The following SIRPD variants were observed in gnomAD, a reference collection of about 807,000 sequenced individuals.
The protein encoded by SIRPD is signal-regulatory protein delta.
Under a neutral mutation model 18.0 loss-of-function variants are expected in SIRPD, and 21 were observed. The ratio of observed to expected loss-of-function variants is 1.17; its 90% confidence interval spans 0.83 to 1.68. SIRPD has a LOEUF of 1.68. Ranked by LOEUF, SIRPD falls within the 40% of genes most tolerant of loss-of-function variation. The probability of loss-of-function intolerance (pLI) is 0.00; values close to 1 mark genes in which losing one functional copy is unlikely to be tolerated. For missense variants in SIRPD, 295 were observed against 238.4 expected (o/e 1.24, Z -1.56); for synonymous variants, 106 against 92.9 (o/e 1.14, Z -0.81).
chr20:1,550,664 T>C (rs1463823293), intron 2 of SIRPD, among the ~76,000 whole-genome samples: 2 of 152,280 alleles, frequency 1.3e-5, no homozygotes, highest in East Asian at 1.9e-4. Flanking sequence ...CATTTGATCT[T>C]CTTTCTTGTA....
intron 2 of SIRPD, among the ~76,000 whole-genome samples, chr20:1,538,114 G>A (rs1322726935): frequency 6.6e-6 from 1 of 152,152 alleles, no homozygotes; most frequent in Non-Finnish European, 1.5e-5. Context: ...CTAGCCATGA[G>A]CTCATCACTT....
chr20:1,539,128 A>G (rs540723839), intron 2 of SIRPD, among the ~76,000 whole-genome samples: 2 of 152,354 alleles, frequency 1.3e-5, no homozygotes, highest in South Asian at 4.1e-4. Context: ...ATTTAAGGCT[A>G]TAAATTCCAA....
intron 2 of SIRPD, among the ~76,000 whole-genome samples, chr20:1,551,304 G>GTA (rs2091017825): frequency 6.6e-6 from 1 of 152,154 alleles, no homozygotes; most frequent in Admixed American, 6.5e-5. Flanking sequence ...CCAACAAAGG[G>GTA]AAGAATTACT....
chr20:1,545,258 C>T (rs375607746), intron 2 of SIRPD, among the ~76,000 whole-genome samples: 18 of 152,252 alleles, frequency 1.2e-4, no homozygotes, highest in East Asian at 7.7e-4. Context: ...ACCAATCAAA[C>T]GTAGGTTTGG....
chr20:1,545,487 A>T (rs1328775906), intron 2 of SIRPD, among the ~76,000 whole-genome samples: 1 of 152,136 alleles, frequency 6.6e-6, no homozygotes, highest in East Asian at 1.9e-4. Flanking sequence ...GTTCTTCTCT[A>T]AACTGGTTAT....
At chr20:1,553,161 A>G (rs899694920) in intron 1 of SIRPD, among the ~76,000 whole-genome samples, 12 of 152,168 alleles carry the variant, frequency 7.9e-5, no homozygotes, top group Admixed American at 5.2e-4. Context: ...TTTTGCAAAA[A>G]AGACTTTGGA....
chr20:1,535,223 T>G lies in SIRPD; in HGVS notation c.578-782A>C, dbSNP rs1249799924. 2.0e-5 allele frequency among the ~76,000 whole-genome samples: 3 copies of G among 152,212 alleles called. No homozygotes were observed. In the East Asian group the frequency reaches 5.8e-4, roughly 29 times the overall value. On this transcript the variant is annotated intron_variant, in intron 3 of 3. Transcript: ENST00000381623. ...ATAAACCACCATATTTTGTGTAATCTTATTTTTGTTAAAAGTTCGATGTAT... is the reference window on the plus strand; with the variant it reads ...ATAAACCACCATATTTTGTGTAATCGTATTTTTGTTAAAAGTTCGATGTAT...
At chr20:1,548,221 A>G (rs2091002662) in intron 2 of SIRPD, among the ~76,000 whole-genome samples, 1 of 152,182 alleles carries the variant, frequency 6.6e-6, no homozygotes, top group African/African-American at 2.4e-5. Context: ...GTTTTGCTAA[A>G]TATGATGTTA....
Position 1,557,640 on chromosome 20 carries a change from G to T in SIRPD, c.14C>A (p.Ala5Asp). The T allele has an allele frequency of 6.2e-7, 1 of 1,610,248 alleles. No homozygotes were observed. The highest frequency in any genetic ancestry group is 1.3e-5 in the African/African-American group (1 of 74,854). ...AGGCAGAGGTGGGTGGAGTGGGGAGGCAGGGATGGGCATTGTGGTGAAACC... is the reference window on the plus strand; with the variant it reads ...AGGCAGAGGTGGGTGGAGTGGGGAGTCAGGGATGGGCATTGTGGTGAAACC... MPIP[A>D]SPLHPPLPSL... The change falls in exon 1 of 4, where the codon GCC becomes GAC. Residue 5 changes from alanine to aspartate, a missense_variant. Coordinates refer to ENST00000381623, the MANE Select transcript of SIRPD (RefSeq NM_178460.3).
chr20:1,557,358 GTGA>G (rs909736448), intron 1 of SIRPD, among the ~76,000 whole-genome samples: 5 of 152,284 alleles, frequency 3.3e-5, no homozygotes, highest in African/African-American at 1.2e-4. Context: ...GACCATAGGT[GTGA>G]GTCGTTTACC....
chr20:1,538,988 A>T (rs1284460181), intron 2 of SIRPD, among the ~76,000 whole-genome samples: 1 of 152,136 alleles, frequency 6.6e-6, no homozygotes. Flanking sequence ...ACTAGACAGC[A>T]CCCTTGGCAA....
chr20:1,543,131 A>T (rs902410619), intron 2 of SIRPD, among the ~76,000 whole-genome samples: 2 of 152,118 alleles, frequency 1.3e-5, no homozygotes, highest in Admixed American at 1.3e-4. Context: ...TGGTATCAGG[A>T]TGATGCTGGC....
chr20:1,545,386 T>A (rs752895424), intron 2 of SIRPD, among the ~76,000 whole-genome samples: 3 of 152,226 alleles, frequency 2.0e-5, no homozygotes, highest in Non-Finnish European at 4.4e-5. Context: ...TCTGAAATCC[T>A]TTCTTCTGGT....
intron 1 of SIRPD, among the ~76,000 whole-genome samples, chr20:1,555,318 T>A (rs887355608): frequency 6.6e-6 from 1 of 152,188 alleles, no homozygotes; most frequent in Non-Finnish European, 1.5e-5. Flanking sequence ...TAGAATGTTG[T>A]TACCAGGGTC....
intron 2 of SIRPD, among the ~76,000 whole-genome samples, chr20:1,544,378 CT>C (rs373589847): frequency 0.053 from 8,058 of 150,738 alleles, 305 homozygotes; most frequent in Middle Eastern, 0.092. Flanking sequence ...CCTTCTTTGT[CT>C]TTTTTGATCT....
intron 1 of SIRPD, among the ~76,000 whole-genome samples, chr20:1,555,154 T>C (rs2091034818): frequency 6.6e-6 from 1 of 152,204 alleles, no homozygotes; most frequent in African/African-American, 2.4e-5. Context: ...ATTTAGCTTT[T>C]GAAAATCAGA....
chr20:1,556,359 T>A (rs2091041368), intron 1 of SIRPD, among the ~76,000 whole-genome samples: 1 of 152,188 alleles, frequency 6.6e-6, no homozygotes, highest in African/African-American at 2.4e-5. Context: ...CTCCATTGAA[T>A]AAAAAGAGGA....
At chr20:1,535,851 C>T (rs773049865) in intron 3 of SIRPD, among the ~76,000 whole-genome samples, 29 of 152,144 alleles carry the variant, frequency 1.9e-4, no homozygotes, top group Non-Finnish European at 4.1e-4. Context: ...TGTTGTGATA[C>T]TGAAACCTGA....
chr20:1,552,720 G>A (rs572762111), intron 1 of SIRPD, among the ~76,000 whole-genome samples: 50 of 152,202 alleles, frequency 3.3e-4, no homozygotes, highest in African/African-American at 1.2e-3. Context: ...AATGTGTCAG[G>A]TCCTGGTAAT....
Sources: allele counts gnomAD v4.1 joint callset (sites outside exome capture counted in the v4.1 genomes callset), GRCh38; gene constraint gnomAD v4.1.1; transcripts MANE v1.5; gene names NCBI Gene and HGNC (gene_info 2026-07-23, HGNC 2026-07-21).